IGF1R: variants seen among roughly 807,000 people sequenced by gnomAD.
The protein encoded by IGF1R is insulin like growth factor 1 receptor, also known as insulin-like growth factor 1 receptor.
Under a neutral mutation model 144.6 loss-of-function variants are expected in IGF1R, and 44 were observed. The observed-to-expected ratio is 0.30, with a 90% CI of 0.24 to 0.39. The LOEUF is 0.39. Ranked by LOEUF, IGF1R falls within the 10% of genes least tolerant of loss-of-function variation. IGF1R has a pLI of 1.00. For missense variants in IGF1R, 1,355 were observed against 1,833.7 expected (o/e 0.74, Z 4.77); for synonymous variants, 795 against 722.8 (o/e 1.10, Z -1.60).
At chr15:98,672,454 C>G (rs1177963629) in intron 1 of IGF1R, among the ~76,000 whole-genome samples, 1 of 151,630 alleles carries the variant, frequency 6.6e-6, no homozygotes, top group African/African-American at 2.4e-5. Flanking sequence ...CCTGTAGTCC[C>G]AGCTACTCGG....
At chr15:98,936,525 G>A (rs2016155056) in intron 17 of IGF1R, among the ~76,000 whole-genome samples, 1 of 152,046 alleles carries the variant, frequency 6.6e-6, no homozygotes, top group Admixed American at 6.5e-5. Context: ...TACTGGGTAA[G>A]CAGTGTGTCT....
intron 2 of IGF1R, among the ~76,000 whole-genome samples, chr15:98,787,616 CAG>C (rs1027469205): frequency 2.0e-5 from 3 of 151,818 alleles, no homozygotes; most frequent in African/African-American, 4.8e-5. Context: ...GACCTTAAAA[CAG>C]AGTATTGATC....
intron 2 of IGF1R, among the ~76,000 whole-genome samples, chr15:98,753,084 T>C (rs964057564): frequency 1.3e-5 from 2 of 151,768 alleles, no homozygotes; most frequent in African/African-American, 2.4e-5. Flanking sequence ...TACAGGCACG[T>C]GCCACCACAC....
chr15:98,964,292 TA>T lies in IGF1R; in HGVS notation c.*6856del, dbSNP rs373035124. 4.3e-6 allele frequency: 1 copy of T among 232,200 alleles called. No individual in the cohort carries two copies. The highest frequency in any genetic ancestry group is 8.5e-6 in the Non-Finnish European group (1 of 117,310). The allele number at this position is 232,200 out of a possible 1,614,324, so 14.4% of individuals were successfully genotyped here. The stretch of plus-strand genomic sequence containing the variant: ...TGACTTTCTGTGTATAAATTATTCC[TA>T]AAAAATCCTGTTTATATAAAAAATC... On this transcript the variant is annotated 3_prime_UTR_variant, in exon 21 of 21. Transcript: ENST00000650285.
At chr15:98,901,333 G>A (rs375800992) in intron 5 of IGF1R, among the ~76,000 whole-genome samples, 58 of 152,274 alleles carry the variant, frequency 3.8e-4, no homozygotes, top group African/African-American at 1.3e-3. Context: ...TCATTCCTGC[G>A]TGCAGCTTCT....
chr15:98,892,527 CAAAAA>C (rs368474118), intron 3 of IGF1R, among the ~76,000 whole-genome samples: 1 of 75,596 alleles, frequency 1.3e-5, no homozygotes, highest in Non-Finnish European at 2.8e-5. Flanking sequence ...ACTCTGTCTC[CAAAAA>C]AAAAAAAAAA....
intron 2 of IGF1R, among the ~76,000 whole-genome samples, chr15:98,725,238 C>T (rs1326300414): frequency 6.6e-6 from 1 of 152,182 alleles, no homozygotes; most frequent in African/African-American, 2.4e-5. Context: ...AGAGCAGTAG[C>T]ATCTTATTAG....
intron 2 of IGF1R, among the ~76,000 whole-genome samples, chr15:98,815,366 C>T (rs1349654653): frequency 6.6e-6 from 1 of 152,142 alleles, no homozygotes; most frequent in Non-Finnish European, 1.5e-5. Flanking sequence ...ATGGAATTGC[C>T]TCAGTGAAGT....
intron 2 of IGF1R, among the ~76,000 whole-genome samples, chr15:98,859,045 T>G (rs2011995070): frequency 6.6e-6 from 1 of 151,504 alleles, no homozygotes; most frequent in African/African-American, 2.4e-5. Flanking sequence ...GTTTAGCTTC[T>G]CATCTAAGCA....
chr15:98,763,774 A>C (rs1218058510), intron 2 of IGF1R, among the ~76,000 whole-genome samples: 9 of 152,310 alleles, frequency 5.9e-5, no homozygotes, highest in Middle Eastern at 3.4e-3. Context: ...TCCTGACCGA[A>C]TAAAGCCTAC....
chr15:98,804,214 C>G (rs898097305), intron 2 of IGF1R, among the ~76,000 whole-genome samples: 4 of 152,160 alleles, frequency 2.6e-5, no homozygotes, highest in African/African-American at 7.2e-5. Context: ...TGAGGAAATG[C>G]ATAGCCTGTT....
At position 98,907,155 on chromosome 15, in the gene IGF1R, T is replaced by C. The variant is rs180865221; in HGVS notation, c.1248-1530T>C. ...AGCTCATTCATGGCATTTCTGGTCC[T>C]GGGTCCCAGTCTCTGAACTCCTTCC... On this transcript the variant is annotated intron_variant, in intron 5 of 20. Coordinates refer to ENST00000650285, the MANE Select transcript of IGF1R (RefSeq NM_000875.5). 7.1e-3 allele frequency among the ~76,000 whole-genome samples: 1,077 copies of C among 152,366 alleles called. 10 individuals carry two copies. Among genetic ancestry groups the C allele is most frequent in the Middle Eastern group, 0.02 (6 of 294 alleles).
rs150635057 is a variant in IGF1R, at chr15:98,812,308, G to GA, written c.641-79016dup. ...CTCTTTCTTGTGCCCTTCCAGCTGT[G>GA]AGCTGTGTCACCATTGTATTATTTT... is the stretch of plus-strand genomic sequence containing the variant. On this transcript the variant is annotated intron_variant, in intron 2 of 20. Coordinates refer to ENST00000650285, the MANE Select transcript of IGF1R (RefSeq NM_000875.5). 8.7e-3 allele frequency among the ~76,000 whole-genome samples: 1,318 copies of GA among 151,730 alleles called. 23 individuals carry two copies. The highest frequency in any genetic ancestry group is 0.03 in the African/African-American group (1,233 of 41,400).
intron 2 of IGF1R, among the ~76,000 whole-genome samples, chr15:98,884,419 G>A (rs961047103): frequency 6.6e-6 from 1 of 152,170 alleles, no homozygotes; most frequent in Non-Finnish European, 1.5e-5. Context: ...ACCCGGCCAG[G>A]CCTGGTGGCT....
intron 2 of IGF1R, among the ~76,000 whole-genome samples, chr15:98,851,237 A>C (rs944512790): frequency 1.3e-5 from 2 of 152,158 alleles, no homozygotes; most frequent in Non-Finnish European, 1.5e-5. Context: ...GGTGCTTTAC[A>C]TGCCAGGCGG....
rs950333665 is a variant in IGF1R, at chr15:98,964,310, TAA to T, written c.*6873_*6874del. ...TTATTCCTAAAAAATCCTGTTTATATAAAAAATCAGTAGATGAAAAAAATTTC... is the reference window on the plus strand; with the variant it reads ...TTATTCCTAAAAAATCCTGTTTATATAAAATCAGTAGATGAAAAAAATTTC... On this transcript the variant is annotated 3_prime_UTR_variant, in exon 21 of 21. Transcript: ENST00000650285. 7 of 231,880 alleles carry T rather than the reference TAA, an allele frequency of 3.0e-5. No individual in the cohort carries two copies. Among genetic ancestry groups the T allele is most frequent in the Non-Finnish European group, 5.1e-5 (6 of 117,136 alleles). 14.4% of individuals were successfully genotyped at this position (231,880 alleles called of 1,614,324 possible). A position where few individuals can be genotyped will look rare whatever the true frequency, so the allele number is the denominator to read the frequency against.
chr15:98,959,398 T>C lies in IGF1R; in HGVS notation c.*1956T>C, dbSNP rs2151742371. 4.3e-6 allele frequency: 1 copy of C among 233,796 alleles called. No homozygotes were observed. The highest frequency in any genetic ancestry group is 2.2e-5 in the African/African-American group (1 of 45,466). The allele number at this position is 233,796 out of a possible 1,614,324, so 14.5% of individuals were successfully genotyped here. A position where few individuals can be genotyped will look rare whatever the true frequency, so the allele number is the denominator to read the frequency against. On this transcript the variant is annotated 3_prime_UTR_variant, in exon 21 of 21. Coordinates refer to ENST00000650285, the MANE Select transcript of IGF1R (RefSeq NM_000875.5). ...CCCCCTCACCGGACCGACTGACCTG[T>C]CTTTGGAACCAGAACATCCCAAGGG...
chr15:98,686,103 C>A (rs903173509), intron 1 of IGF1R, among the ~76,000 whole-genome samples: 2 of 152,200 alleles, frequency 1.3e-5, no homozygotes, highest in African/African-American at 4.8e-5. Context: ...ATTTGACTGT[C>A]TGGATACCTC....
At position 98,824,842 on chromosome 15, in the gene IGF1R, C is replaced by CTTCT. The variant is rs554495497; in HGVS notation, c.641-66481_641-66480insCTTT. On this transcript the variant is annotated intron_variant, in intron 2 of 20. Coordinates refer to ENST00000650285, the MANE Select transcript of IGF1R (RefSeq NM_000875.5). Reference sequence around the variant, plus strand: ...TCTTTATTTTTTAACTTTTCTTCTTCTTTTTTTTTTTTGAAACGGATTCTC... The same window carrying CTTCT: ...TCTTTATTTTTTAACTTTTCTTCTTCTTCTTTTTTTTTTTTTGAAACGGATTCTC... 5.3e-3 allele frequency among the ~76,000 whole-genome samples: 782 copies of CTTCT among 146,232 alleles called. 10 individuals carry two copies. Among genetic ancestry groups the CTTCT allele is most frequent in the African/African-American group, 0.019 (744 of 39,920 alleles).
Sources: allele counts gnomAD v4.1 joint callset (sites outside exome capture counted in the v4.1 genomes callset), GRCh38; gene constraint gnomAD v4.1.1; transcripts MANE v1.5; gene names NCBI Gene and HGNC (gene_info 2026-07-23, HGNC 2026-07-21).